The following NOX4 variants were observed in gnomAD, a reference collection of about 807,000 sequenced individuals.
NOX4 encodes the protein kidney oxidase-1.
In NOX4, 69 loss-of-function variants were observed where a neutral mutation model predicts 87.6. That is an observed-to-expected ratio of 0.79 (90% confidence interval 0.65 to 0.96). NOX4 has a LOEUF of 0.96. NOX4 is among the 40% of genes least tolerant of loss of function. The pLI, the probability that NOX4 is intolerant of heterozygous loss-of-function variation, is 0.00. For synonymous variants in NOX4, 275 were observed against 238.2 expected, an observed-to-expected ratio of 1.15 and a Z score of -1.42; for missense variants, 680 against 681.5, an observed-to-expected ratio of 1.00 and a Z score of 0.02.
At chr11:89,562,076 C>T in the NOX4 span, among the ~76,000 whole-genome samples, 1 of 152,048 alleles carries the variant, frequency 6.6e-6, no homozygotes, top group Non-Finnish European at 1.5e-5. Context: ...GAGTTACTTC[C>T]AAAAACCTCC....
chr11:89,453,599 T>C (rs1945060388), intron 2 of NOX4, among the ~76,000 whole-genome samples: 1 of 152,190 alleles, frequency 6.6e-6, no homozygotes, highest in Admixed American at 6.5e-5. Flanking sequence ...CACCTATCTC[T>C]TACTATTAGC....
At chr11:89,343,992 T>C (rs1277701065) in intron 13 of NOX4, among the ~76,000 whole-genome samples, 1 of 151,908 alleles carries the variant, frequency 6.6e-6, no homozygotes, top group East Asian at 1.9e-4. Flanking sequence ...TTAAATCTTT[T>C]ATTAAGGTTA....
the NOX4 span, among the ~76,000 whole-genome samples, chr11:89,574,971 T>G: frequency 6.6e-6 from 1 of 152,108 alleles, no homozygotes. Flanking sequence ...TCACTTAAGG[T>G]CAGGAGTTTG....
At chr11:89,355,822 C>T (rs866252690) in intron 12 of NOX4, among the ~76,000 whole-genome samples, 10 of 152,102 alleles carry the variant, frequency 6.6e-5, no homozygotes, top group African/African-American at 2.4e-4. Context: ...CCTGCAGAAA[C>T]TTTCACATGT....
chr11:89,379,393 G>A (rs1422906875), intron 11 of NOX4, among the ~76,000 whole-genome samples: 1 of 151,712 alleles, frequency 6.6e-6, no homozygotes, highest in African/African-American at 2.4e-5. Context: ...AAATCTGTTT[G>A]TGTCTGTATA....
chr11:89,578,784 T>G, the NOX4 span, among the ~76,000 whole-genome samples: 1 of 152,168 alleles, frequency 6.6e-6, no homozygotes, highest in Non-Finnish European at 1.5e-5. Flanking sequence ...ATCTAGCAAT[T>G]GTATATATTA....
At chr11:89,547,090 G>C in the NOX4 span, among the ~76,000 whole-genome samples, 1 of 152,104 alleles carries the variant, frequency 6.6e-6, no homozygotes, top group Non-Finnish European at 1.5e-5. Context: ...CAACATTATT[G>C]TCATTTAATG....
chr11:89,580,492 G>A, the NOX4 span, among the ~76,000 whole-genome samples: 8 of 151,998 alleles, frequency 5.3e-5, no homozygotes, highest in Admixed American at 1.3e-4. Context: ...TAAAATATGC[G>A]GTTTAAATAT....
intron 2 of NOX4, among the ~76,000 whole-genome samples, chr11:89,462,551 T>G (rs1945517281): frequency 6.6e-6 from 1 of 152,050 alleles, no homozygotes; most frequent in Non-Finnish European, 1.5e-5. Flanking sequence ...CATAAACAAC[T>G]ATATAAGTAT....
the NOX4 span, among the ~76,000 whole-genome samples, chr11:89,536,350 G>A: frequency 1.3e-5 from 2 of 151,824 alleles, no homozygotes; most frequent in East Asian, 1.9e-4. Context: ...GTTTCACCAT[G>A]TTAGCCAGGA....
chr11:89,452,260 C>A (rs929285684), intron 2 of NOX4, among the ~76,000 whole-genome samples: 2 of 152,128 alleles, frequency 1.3e-5, no homozygotes, highest in Non-Finnish European at 1.5e-5. Context: ...GGTGTTGGAC[C>A]CTTTATTCAC....
the NOX4 span, among the ~76,000 whole-genome samples, chr11:89,560,051 A>G: frequency 0.022 from 3,415 of 152,186 alleles, 116 homozygotes; most frequent in African/African-American, 0.073. Flanking sequence ...AGTTAAGATG[A>G]GGTCAGTTAG....
the NOX4 span, among the ~76,000 whole-genome samples, chr11:89,530,861 G>A: frequency 2.0e-5 from 3 of 152,092 alleles, no homozygotes; most frequent in African/African-American, 7.2e-5. Flanking sequence ...TGTAGACAGG[G>A]GAGCAGAGGA....
At chr11:89,340,853 G>A (rs1432357564) in intron 14 of NOX4, among the ~76,000 whole-genome samples, 2 of 151,856 alleles carry the variant, frequency 1.3e-5, no homozygotes, top group Non-Finnish European at 2.9e-5. Context: ...CTGGCTTAGA[G>A]CATGATCATT....
intron 9 of NOX4, among the ~76,000 whole-genome samples, chr11:89,401,645 G>A (rs1299915929): frequency 1.3e-5 from 2 of 151,924 alleles, no homozygotes; most frequent in African/African-American, 2.4e-5. Context: ...TGAACTAATC[G>A]CTGAATACTT....
the NOX4 span, among the ~76,000 whole-genome samples, chr11:89,544,690 G>A: frequency 2.6e-5 from 4 of 152,022 alleles, no homozygotes; most frequent in African/African-American, 7.2e-5. Context: ...GGTTAGTTAC[G>A]TGTAACTTTT....
At chr11:89,353,741 T>G (rs964733488) in intron 13 of NOX4, among the ~76,000 whole-genome samples, 5 of 152,142 alleles carry the variant, frequency 3.3e-5, no homozygotes, top group African/African-American at 1.2e-4. Context: ...AGGCAAACTG[T>G]AAGCCTAAGA....
At chr11:89,434,188 A>G (rs1943966905) in intron 6 of NOX4, among the ~76,000 whole-genome samples, 1 of 152,088 alleles carries the variant, frequency 6.6e-6, no homozygotes, top group Non-Finnish European at 1.5e-5. Context: ...GGTGTGTATC[A>G]TTAGGATTCC....
intron 5 of NOX4, chr11:89,443,919 T>G (rs928466235): frequency 2.0e-5 from 10 of 497,910 alleles, no homozygotes; most frequent in African/African-American, 1.7e-4. Context: ...ATATAAAAAG[T>G]AGACATTCTA....
Sources: allele counts gnomAD v4.1 joint callset (sites outside exome capture counted in the v4.1 genomes callset), GRCh38; gene constraint gnomAD v4.1.1; transcripts MANE v1.5; gene names NCBI Gene and HGNC (gene_info 2026-07-23, HGNC 2026-07-21).